The following MAGI1 variants were observed in gnomAD, a reference collection of about 807,000 sequenced individuals.
MAGI1 encodes membrane associated guanylate kinase, WW and PDZ domain containing 1.
A neutral mutation model predicts 139.9 loss-of-function variants in MAGI1; 58 were observed. The ratio of observed to expected loss-of-function variants is 0.41; its 90% CI spans 0.34 to 0.52. The LOEUF (loss-of-function observed/expected upper bound fraction) is 0.52, where lower values mean the gene tolerates loss of function less well. Among genes scored for constraint, MAGI1 ranks in the 20% least tolerant of loss-of-function variants. The probability of loss-of-function intolerance (pLI) is 0.12; values close to 1 mark genes in which losing one functional copy is unlikely to be tolerated. For missense variants in MAGI1, 1,874 were observed against 1,901.6 expected (o/e 0.99, Z 0.27); for synonymous variants, 812 against 737.9 (o/e 1.10, Z -1.63).
At chr3:65,789,734 G>A (rs556280417) in intron 1 of MAGI1, among the ~76,000 whole-genome samples, 1 of 152,218 alleles carries the variant, frequency 6.6e-6, no homozygotes, top group Non-Finnish European at 1.5e-5. Flanking sequence ...CTGCAATTAG[G>A]GACCTAAAAC....
chr3:65,923,468 G>A (rs538601571), intron 1 of MAGI1, among the ~76,000 whole-genome samples: 21 of 151,884 alleles, frequency 1.4e-4, no homozygotes, highest in African/African-American at 4.6e-4. Context: ...CTCATGATCC[G>A]CCCACCTCGG....
chr3:65,405,489 C>A (rs4420811), intron 12 of MAGI1, among the ~76,000 whole-genome samples: 2 of 151,982 alleles, frequency 1.3e-5, no homozygotes, highest in Admixed American at 6.5e-5. Flanking sequence ...TGGGATTATG[C>A]GTGGCTTTAT....
intron 1 of MAGI1, among the ~76,000 whole-genome samples, chr3:65,995,062 A>G (rs2107389574): frequency 6.6e-6 from 1 of 152,262 alleles, no homozygotes; most frequent in East Asian, 1.9e-4. Context: ...CTCCATCCAC[A>G]TATAAGTTTC....
intron 1 of MAGI1, among the ~76,000 whole-genome samples, chr3:66,024,549 G>A (rs2068136211): frequency 1.3e-5 from 2 of 152,182 alleles, no homozygotes; most frequent in South Asian, 4.1e-4. Flanking sequence ...GCTCACGCCT[G>A]TAATCCCAGC....
intron 12 of MAGI1, among the ~76,000 whole-genome samples, chr3:65,413,617 T>C (rs905427364): frequency 1.2e-4 from 18 of 152,210 alleles, no homozygotes; most frequent in Admixed American, 3.3e-4. Context: ...TCCTTGACTA[T>C]GTCAATTTCT....
At chr3:65,889,934 T>C (rs776982267) in intron 1 of MAGI1, among the ~76,000 whole-genome samples, 1 of 152,204 alleles carries the variant, frequency 6.6e-6, no homozygotes, top group Non-Finnish European at 1.5e-5. Flanking sequence ...GTCACTGCAG[T>C]GTTCCTTATA....
intron 1 of MAGI1, among the ~76,000 whole-genome samples, chr3:65,842,889 TC>T (rs2058855855): frequency 6.6e-6 from 1 of 152,170 alleles, no homozygotes; most frequent in African/African-American, 2.4e-5. Context: ...ATATGATCCT[TC>T]CAATGGGAGA....
intron 1 of MAGI1, among the ~76,000 whole-genome samples, chr3:65,833,670 T>C (rs1317704012): frequency 1.3e-5 from 2 of 152,236 alleles, no homozygotes; most frequent in Non-Finnish European, 2.9e-5. Flanking sequence ...CTTTATGAGA[T>C]TTTTGTTGTG....
chr3:65,415,735 T>G (rs901544868), intron 12 of MAGI1, among the ~76,000 whole-genome samples: 1 of 152,222 alleles, frequency 6.6e-6, no homozygotes, highest in Non-Finnish European at 1.5e-5. Flanking sequence ...TTGAAGGGGT[T>G]AAAGCAGTGG....
intron 1 of MAGI1, among the ~76,000 whole-genome samples, chr3:66,025,402 C>T (rs544203394): frequency 2.1e-4 from 32 of 152,150 alleles, no homozygotes; most frequent in African/African-American, 6.7e-4. Context: ...TATTTGGGCA[C>T]GGTGGCACCC....
At chr3:65,839,935 T>A (rs1575663996) in intron 1 of MAGI1, among the ~76,000 whole-genome samples, 1 of 152,212 alleles carries the variant, frequency 6.6e-6, no homozygotes, top group Non-Finnish European at 1.5e-5. Context: ...TCATTTATTG[T>A]CTTTAATTAG....
chr3:65,469,890 T>A (rs896603310), intron 5 of MAGI1: 10 of 140,122 alleles, frequency 7.1e-5, no homozygotes, highest in Non-Finnish European at 1.0e-4. Context: ...AAAAGCAATA[T>A]ATTTATTTTT....
Position 65,849,552 on chromosome 3 carries a change from C to CAT in MAGI1, c.313+188442_313+188443dup, listed in dbSNP as rs1272955258. On this transcript the variant is annotated intron_variant, in intron 1 of 22. Transcript: ENST00000402939. ...ATATCATCAAATATACATATATACA[C>CAT]ATATATATATCTCACTGGGATTTGA... 5.3e-5 allele frequency among the ~76,000 whole-genome samples: 8 copies of CAT among 150,566 alleles called. No homozygotes were observed. In the East Asian group the frequency reaches 1.2e-3, roughly 22 times the overall value.
chr3:65,693,388 A>C (rs2088851187), intron 1 of MAGI1, among the ~76,000 whole-genome samples: 1 of 152,224 alleles, frequency 6.6e-6, no homozygotes, highest in Admixed American at 6.5e-5. Flanking sequence ...CAGAGCAAGG[A>C]CTTGGACCCT....
chr3:65,544,049 G>T (rs953728673), intron 2 of MAGI1, among the ~76,000 whole-genome samples: 6 of 152,044 alleles, frequency 3.9e-5, no homozygotes, highest in Non-Finnish European at 8.8e-5. Context: ...AAAGGGAGAG[G>T]TGTAGTAGAC....
intron 1 of MAGI1, among the ~76,000 whole-genome samples, chr3:65,725,675 A>C (rs564985671): frequency 6.6e-6 from 1 of 152,318 alleles, no homozygotes; most frequent in South Asian, 2.1e-4. Flanking sequence ...ACAATGCTGA[A>C]AGACAGGAAT....
intron 2 of MAGI1, among the ~76,000 whole-genome samples, chr3:65,621,239 A>G (rs538204543): frequency 3.9e-5 from 6 of 152,318 alleles, no homozygotes; most frequent in African/African-American, 1.4e-4. Context: ...GAAATTAAAC[A>G]ACCAGGAACA....
At chr3:65,977,941 C>T (rs1190203951) in intron 1 of MAGI1, among the ~76,000 whole-genome samples, 2 of 152,312 alleles carry the variant, frequency 1.3e-5, no homozygotes, top group Non-Finnish European at 2.9e-5. Flanking sequence ...AAATCCAGGT[C>T]CTGTCTCAAG....
chr3:65,533,076 C>T (rs1281084148), intron 2 of MAGI1, among the ~76,000 whole-genome samples: 1 of 152,150 alleles, frequency 6.6e-6, no homozygotes. Flanking sequence ...ACTGTAGCCC[C>T]GCACACTTAG....
Sources: gnomAD v4.1 joint callset for allele counts (sites outside exome capture counted in the v4.1 genomes callset) on GRCh38, gnomAD v4.1.1 for gene constraint, MANE v1.5 for transcripts, NCBI Gene and HGNC (gene_info 2026-07-23, HGNC 2026-07-21) for gene names.